Variants in OTOGL observed in about 807,000 individuals in gnomAD.
OTOGL encodes the protein otogelin like.
A neutral mutation model predicts 318.5 loss-of-function variants in OTOGL; 285 were observed. That is an observed-to-expected ratio of 0.89 (90% CI 0.81 to 0.99). The LOEUF is 0.99. Among genes scored for constraint, OTOGL ranks in the 50% least tolerant of loss-of-function variants. The probability of loss-of-function intolerance (pLI) is 0.00; values close to 1 mark genes in which losing one functional copy is unlikely to be tolerated. For synonymous variants in OTOGL, 987 were observed against 936.5 expected, an observed-to-expected ratio of 1.05 and a Z score of -0.99; for missense variants, 2,899 against 2,845.6, an observed-to-expected ratio of 1.02 and a Z score of -0.43.
intron 30 of OTOGL, 90 bp downstream of exon 30, chr12:80,310,817 C>A (rs2137789978): frequency 2.0e-6 from 2 of 1,022,914 alleles, no homozygotes; most frequent in East Asian, 2.6e-5. Context: ...ACTGGGTGAT[C>A]CACTGGCTTT....
chr12:80,281,837 TTAGA>T (rs1156812810), intron 26 of OTOGL, among the ~76,000 whole-genome samples: 2 of 151,868 alleles, frequency 1.3e-5, no homozygotes, highest in Admixed American at 6.6e-5. Flanking sequence ...TATAAAAGGC[TTAGA>T]TAGTATTTGA....
intron 1 of OTOGL, among the ~76,000 whole-genome samples, chr12:80,206,770 A>G (rs889308966): frequency 3.3e-5 from 5 of 151,882 alleles, no homozygotes; most frequent in Non-Finnish European, 7.4e-5. Context: ...CTCCCTCCCA[A>G]AGTGCTGGGA....
Position 80,145,268 on chromosome 12 carries a change from T to G in OTOGL, c.-20+45663T>G, listed in dbSNP as rs893550194. Reference sequence around the variant, plus strand: ...AGGAAGGGATCCAGTATCAGCTTTCTACATATGGCTAGCCAGTTTTCCCAG... The same window carrying G: ...AGGAAGGGATCCAGTATCAGCTTTCGACATATGGCTAGCCAGTTTTCCCAG... On this transcript the variant is annotated intron_variant, in intron 1 of 58. Transcript: ENST00000547103. Among the ~76,000 whole-genome samples the G allele has an allele frequency of 3.5e-4, 53 of 151,890 alleles. 1 individual carries two copies. The highest frequency in any genetic ancestry group is 1.1e-3 in the African/African-American group (45 of 41,140).
intron 1 of OTOGL, chr12:80,133,375 T>C (rs1001239905): frequency 6.6e-6 from 1 of 152,220 alleles, no homozygotes; most frequent in Non-Finnish European, 1.5e-5. Context: ...TGCTTATATA[T>C]GAAATTTACT....
intron 35 of OTOGL, among the ~76,000 whole-genome samples, chr12:80,325,257 C>G (rs998788066): frequency 6.6e-5 from 10 of 152,054 alleles, no homozygotes; most frequent in African/African-American, 2.2e-4. Flanking sequence ...GATCCAGCCC[C>G]TCTGTAAGAT....
intron 37 of OTOGL, among the ~76,000 whole-genome samples, chr12:80,332,458 C>T (rs1052756092): frequency 1.3e-5 from 2 of 152,124 alleles, no homozygotes; most frequent in Non-Finnish European, 2.9e-5. Context: ...GAAGGTGCCT[C>T]ACAGATGTGT....
intron 1 of OTOGL, among the ~76,000 whole-genome samples, chr12:80,135,970 G>A (rs1361780737): frequency 6.6e-6 from 1 of 152,158 alleles, no homozygotes; most frequent in Non-Finnish European, 1.5e-5. Context: ...CTCAAACTGG[G>A]ATATTGGCTG....
chr12:80,212,557 G>T (rs560697426), intron 4 of OTOGL, among the ~76,000 whole-genome samples: 3 of 152,196 alleles, frequency 2.0e-5, no homozygotes, highest in African/African-American at 7.2e-5. Context: ...TTATATGAAG[G>T]ATAATTGCAA....
intron 7 of OTOGL, among the ~76,000 whole-genome samples, chr12:80,224,325 ATAC>A: frequency 6.6e-6 from 1 of 152,192 alleles, no homozygotes; most frequent in Non-Finnish European, 1.5e-5. Context: ...CTATGGCCTT[ATAC>A]TATAGTTTGA....
intron 7 of OTOGL, among the ~76,000 whole-genome samples, chr12:80,223,259 GTATGTATATA>G (rs1316931722): frequency 1.3e-5 from 2 of 151,560 alleles, no homozygotes; most frequent in Non-Finnish European, 2.9e-5. Flanking sequence ...GTGTGTGTGT[GTATGTATATA>G]TATGTATATA....
At chr12:80,113,768 T>G (rs1370294731) in intron 1 of OTOGL, among the ~76,000 whole-genome samples, 2 of 152,202 alleles carry the variant, frequency 1.3e-5, no homozygotes, top group Non-Finnish European at 2.9e-5. Context: ...TTTGTAGGTC[T>G]CTAAGAACTT....
chr12:80,140,608 A>G (rs1051599431), intron 1 of OTOGL, among the ~76,000 whole-genome samples: 6 of 152,300 alleles, frequency 3.9e-5, no homozygotes, highest in South Asian at 2.1e-4. Flanking sequence ...ATCTTGGGCA[A>G]GTTACTTCAT....
intron 52 of OTOGL, among the ~76,000 whole-genome samples, chr12:80,361,746 A>C (rs1283589999): frequency 6.6e-6 from 1 of 152,102 alleles, no homozygotes; most frequent in Non-Finnish European, 1.5e-5. Flanking sequence ...AAGCATTTTA[A>C]AATATACTTC....
chr12:80,119,509 T>C (rs1041440663), intron 1 of OTOGL, among the ~76,000 whole-genome samples: 18 of 152,222 alleles, frequency 1.2e-4, no homozygotes, highest in African/African-American at 4.3e-4. Flanking sequence ...ATTACAACAC[T>C]AGCAGCAGAC....
intron 1 of OTOGL, among the ~76,000 whole-genome samples, chr12:80,162,284 C>G (rs1234177740): frequency 6.6e-6 from 1 of 152,124 alleles, no homozygotes; most frequent in East Asian, 1.9e-4. Flanking sequence ...ATTGCAGTAT[C>G]ATAGAAACAG....
At chr12:80,240,682 A>C (rs1880301398) in intron 11 of OTOGL, among the ~76,000 whole-genome samples, 1 of 152,098 alleles carries the variant, frequency 6.6e-6, no homozygotes, top group African/African-American at 2.4e-5. Flanking sequence ...GCACAATTGA[A>C]GGAAATGCTA....
intron 1 of OTOGL, among the ~76,000 whole-genome samples, chr12:80,149,873 G>T (rs1565879708): frequency 1.3e-5 from 2 of 152,206 alleles, no homozygotes; most frequent in Non-Finnish European, 2.9e-5. Flanking sequence ...CTGACCCCTT[G>T]CACTTCCCGA....
intron 27 of OTOGL, among the ~76,000 whole-genome samples, chr12:80,299,535 A>G (rs1432267077): frequency 6.6e-6 from 1 of 150,428 alleles, no homozygotes; most frequent in East Asian, 2.0e-4. Context: ...CCCCTGCAAT[A>G]TTTTTTCTCA....
At position 80,102,784 on chromosome 12, in the gene OTOGL, C is replaced by G. The variant is rs1048840460; in HGVS notation, c.-20+3179C>G. On this transcript the variant is annotated intron_variant, in intron 1 of 58. Coordinates refer to ENST00000547103, the MANE Select transcript of OTOGL (RefSeq NM_001378609.3). ...TAATAAAGTCCTACTGATGGATGGACTAGTTTCCCAGAGTTGTCTCTTACC... is the reference window on the plus strand; with the variant it reads ...TAATAAAGTCCTACTGATGGATGGAGTAGTTTCCCAGAGTTGTCTCTTACC... 5 of 614,150 alleles carry G rather than the reference C, an allele frequency of 8.1e-6. No homozygotes were observed. In the African/African-American group the frequency reaches 9.2e-5, roughly 11 times the overall value. 38.0% of individuals were successfully genotyped at this position (614,150 alleles called of 1,614,324 possible).
Sources: allele counts gnomAD v4.1 joint callset (sites outside exome capture counted in the v4.1 genomes callset), GRCh38; gene constraint gnomAD v4.1.1; transcripts MANE v1.5; gene names NCBI Gene and HGNC (gene_info 2026-07-23, HGNC 2026-07-21).